Variants in RBMS1 observed in about 807,000 individuals in gnomAD.
RBMS1 encodes the protein RNA binding motif single stranded interacting protein 1, also known as RNA-binding motif, single-stranded-interacting protein 1.
RBMS1 carries 17 observed loss-of-function variants against 62.3 expected under a neutral mutation model. The ratio of observed to expected loss-of-function variants is 0.27; its 90% CI spans 0.19 to 0.41. The LOEUF (loss-of-function observed/expected upper bound fraction) is 0.41, where lower values mean the gene tolerates loss of function less well. RBMS1 is among the 10% of genes least tolerant of loss of function. The probability of loss-of-function intolerance (pLI) is 1.00; values close to 1 mark genes in which losing one functional copy is unlikely to be tolerated. For missense variants in RBMS1, 334 were observed against 504.5 expected (o/e 0.66, Z 3.24); for synonymous variants, 172 against 170.0 (o/e 1.01, Z -0.09).
chr2:160,411,913 T>G (rs1696054929), intron 1 of RBMS1, among the ~76,000 whole-genome samples: 1 of 152,232 alleles, frequency 6.6e-6, no homozygotes, highest in Non-Finnish European at 1.5e-5. Context: ...TGAATATTCT[T>G]TCTAAGGTTG....
chr2:160,329,686 T>C (rs144020380), intron 2 of RBMS1, among the ~76,000 whole-genome samples: 37 of 151,996 alleles, frequency 2.4e-4, no homozygotes, highest in Admixed American at 7.9e-4. Context: ...TCACCCTCAA[T>C]AGAGCTTGAA....
rs184546291 is a variant in RBMS1 at position 160,463,260 on chromosome 2, A to G, written c.75+30029T>C. ...CAGAGTGGTCAGGATGGTTAATCCA[A>G]TAACTGTGAAAGCTGATTCTTACTC... On this transcript the variant is annotated intron_variant, in intron 1 of 13. Transcript: ENST00000348849. Among the ~76,000 whole-genome samples, 872 of 152,358 alleles carry G rather than the reference A, an allele frequency of 5.7e-3. 12 individuals carry two copies. The highest frequency in any genetic ancestry group is 0.019 in the African/African-American group (786 of 41,574).
chr2:160,447,783 T>G (rs1398215650), intron 1 of RBMS1, among the ~76,000 whole-genome samples: 1 of 152,238 alleles, frequency 6.6e-6, no homozygotes, highest in Non-Finnish European at 1.5e-5. Flanking sequence ...CAAGAGATAC[T>G]GCAGCATGCT....
intron 4 of RBMS1, among the ~76,000 whole-genome samples, chr2:160,308,490 TAAGTC>T (rs1472533578): frequency 2.0e-5 from 3 of 152,172 alleles, no homozygotes; most frequent in Non-Finnish European, 4.4e-5. Context: ...ATAAAGGGGC[TAAGTC>T]AAGTCTAGAT....
chr2:160,391,751 GC>G, intron 1 of RBMS1, among the ~76,000 whole-genome samples: 1 of 152,120 alleles, frequency 6.6e-6, no homozygotes, highest in Admixed American at 6.5e-5. Context: ...GCCAAGATGG[GC>G]AGACCACCTG....
chr2:160,330,216 A>T (rs1023708104), intron 2 of RBMS1, among the ~76,000 whole-genome samples: 4 of 152,192 alleles, frequency 2.6e-5, no homozygotes, highest in Non-Finnish European at 4.4e-5. Context: ...ACCTGGGAAG[A>T]TGAAATGTGG....
At chr2:160,291,875 C>T (rs927670793) in intron 6 of RBMS1, among the ~76,000 whole-genome samples, 3 of 152,168 alleles carry the variant, frequency 2.0e-5, no homozygotes, top group Admixed American at 1.3e-4. Flanking sequence ...AAAACAAAAA[C>T]TCCATACCTC....
chr2:160,416,683 T>C (rs1218105524), intron 1 of RBMS1, among the ~76,000 whole-genome samples: 1 of 152,096 alleles, frequency 6.6e-6, no homozygotes, highest in Non-Finnish European at 1.5e-5. Flanking sequence ...GCCCTAGAAA[T>C]ATAGAATTTC....
chr2:160,431,535 C>T (rs1682895211), intron 1 of RBMS1, among the ~76,000 whole-genome samples: 1 of 152,146 alleles, frequency 6.6e-6, no homozygotes, highest in Admixed American at 6.5e-5. Context: ...TTGATACCTT[C>T]CAAAGTCTGT....
At chr2:160,448,443 C>G (rs919532511) in intron 1 of RBMS1, among the ~76,000 whole-genome samples, 1 of 152,198 alleles carries the variant, frequency 6.6e-6, no homozygotes, top group Admixed American at 6.5e-5. Flanking sequence ...TGCAGGCGCG[C>G]GCAGCCACGC....
rs972234600 is a variant in RBMS1 at position 160,448,441 on chromosome 2, C to T, written c.75+44848G>A. Reference sequence around the variant, plus strand: ...TGCAGAGTGCCTGGGATTGCAGGCGCGCGCAGCCACGCCTGACTGGTTTTT... The same window carrying T: ...TGCAGAGTGCCTGGGATTGCAGGCGTGCGCAGCCACGCCTGACTGGTTTTT... On this transcript the variant is annotated intron_variant, in intron 1 of 13. Coordinates refer to ENST00000348849, the MANE Select transcript of RBMS1 (RefSeq NM_016836.4). 8.5e-5 allele frequency among the ~76,000 whole-genome samples: 13 copies of T among 152,338 alleles called. No homozygotes were observed. The East Asian group carries it at 2.1e-3, about 25-fold the overall frequency.
chr2:160,288,325 G>A (rs1688511090), intron 6 of RBMS1, among the ~76,000 whole-genome samples: 1 of 152,134 alleles, frequency 6.6e-6, no homozygotes, highest in South Asian at 2.1e-4. Context: ...TTTCTCCTGT[G>A]CCTCTTATTA....
At chr2:160,372,317 C>T (rs1693767843) in intron 1 of RBMS1, among the ~76,000 whole-genome samples, 1 of 151,994 alleles carries the variant, frequency 6.6e-6, no homozygotes, top group African/African-American at 2.4e-5. Context: ...AGAAGGTTAT[C>T]ATTCCCACCC....
intron 1 of RBMS1, among the ~76,000 whole-genome samples, chr2:160,464,504 G>A (rs1010113156): frequency 1.3e-5 from 2 of 152,080 alleles, no homozygotes; most frequent in African/African-American, 4.8e-5. Flanking sequence ...CATGGTGAGA[G>A]GTGCCTCTGA....
intron 1 of RBMS1, among the ~76,000 whole-genome samples, chr2:160,406,468 TAAC>T (rs1695714448): frequency 6.6e-6 from 1 of 152,206 alleles, no homozygotes; most frequent in African/African-American, 2.4e-5. Flanking sequence ...TTTGGGATAA[TAAC>T]TTAATTGATT....
chr2:160,374,657 C>T (rs1372608676), intron 1 of RBMS1, among the ~76,000 whole-genome samples: 3 of 152,030 alleles, frequency 2.0e-5, no homozygotes, highest in East Asian at 1.9e-4. Flanking sequence ...TGGCTGGGCA[C>T]GGTGGCTCAT....
chr2:160,386,854 A>G (rs1401190742), intron 1 of RBMS1, among the ~76,000 whole-genome samples: 1 of 152,224 alleles, frequency 6.6e-6, no homozygotes, highest in Non-Finnish European at 1.5e-5. Flanking sequence ...AGGTCTTTTT[A>G]TACACCTAGT....
At chr2:160,288,778 T>C (rs1434542582) in intron 6 of RBMS1, among the ~76,000 whole-genome samples, 1 of 152,208 alleles carries the variant, frequency 6.6e-6, no homozygotes, top group Non-Finnish European at 1.5e-5. Context: ...AACGAGGTGC[T>C]TTTATCTAGA....
At chr2:160,467,701 T>C (rs1684751345) in intron 1 of RBMS1, among the ~76,000 whole-genome samples, 1 of 152,150 alleles carries the variant, frequency 6.6e-6, no homozygotes, top group Non-Finnish European at 1.5e-5. Context: ...AACAGTAGGA[T>C]ACACCATTAG....
Sources: gnomAD v4.1 joint callset for allele counts (sites outside exome capture counted in the v4.1 genomes callset) on GRCh38, gnomAD v4.1.1 for gene constraint, MANE v1.5 for transcripts, NCBI Gene and HGNC (gene_info 2026-07-23, HGNC 2026-07-21) for gene names.